NRXN1: variants seen among roughly 807,000 people sequenced by gnomAD.
NRXN1 encodes the protein neurexin 1, also known as neurexin-1.
A neutral mutation model predicts 150.9 loss-of-function variants in NRXN1; 39 were observed. That is an observed-to-expected ratio of 0.26 (90% CI 0.20 to 0.34). NRXN1 has a LOEUF of 0.34. Among genes scored for constraint, NRXN1 ranks in the 10% least tolerant of loss-of-function variants. The pLI is 1.00. For missense variants in NRXN1, 1,815 were observed against 1,949.9 expected (o/e 0.93, Z 1.30); for synonymous variants, 924 against 757.0 (o/e 1.22, Z -3.62).
chr2:50,876,802 G>A (rs1678661255), intron 5 of NRXN1, among the ~76,000 whole-genome samples: 1 of 151,666 alleles, frequency 6.6e-6, no homozygotes, highest in South Asian at 2.1e-4. Context: ...TTATGTTCTT[G>A]TAAGAAGATA....
At chr2:50,702,791 T>C (rs1400607924) in intron 5 of NRXN1, among the ~76,000 whole-genome samples, 1 of 152,138 alleles carries the variant, frequency 6.6e-6, no homozygotes, top group Non-Finnish European at 1.5e-5. Flanking sequence ...TATTGCAACA[T>C]ATAATGTAAA....
At chr2:50,119,180 C>T (rs939124407) in intron 18 of NRXN1, among the ~76,000 whole-genome samples, 1 of 152,000 alleles carries the variant, frequency 6.6e-6, no homozygotes, top group Non-Finnish European at 1.5e-5. Flanking sequence ...CAACTTTTGT[C>T]TAGTTTACGC....
intron 19 of NRXN1, among the ~76,000 whole-genome samples, chr2:50,075,022 A>G (rs1321808529): frequency 6.6e-6 from 1 of 152,230 alleles, no homozygotes; most frequent in East Asian, 1.9e-4. Flanking sequence ...ATCTAATCCT[A>G]GATTTCCTAT....
intron 13 of NRXN1, among the ~76,000 whole-genome samples, chr2:50,506,237 C>T (rs2092214801): frequency 6.6e-6 from 1 of 151,754 alleles, no homozygotes; most frequent in Admixed American, 6.6e-5. Context: ...ATTTATCAGG[C>T]CACAAAAGAA....
intron 21 of NRXN1, among the ~76,000 whole-genome samples, chr2:50,049,246 G>T (rs1042813952): frequency 6.6e-6 from 1 of 152,156 alleles, no homozygotes; most frequent in African/African-American, 2.4e-5. Flanking sequence ...CAACTGGGCT[G>T]CATGGCCACA....
Position 50,316,493 on chromosome 2 carries a change from A to C in NRXN1, c.3365-79523T>G, listed in dbSNP as rs141279433. ...ACATGCAACCAGTATAGCCATTTGCACAATAAGAATCACATTAAATTGGAT... is the reference window on the plus strand; with the variant it reads ...ACATGCAACCAGTATAGCCATTTGCCCAATAAGAATCACATTAAATTGGAT... On this transcript the variant is annotated intron_variant, in intron 17 of 22. Coordinates refer to ENST00000401669, the MANE Select transcript of NRXN1 (RefSeq NM_001330078.2). Among the ~76,000 whole-genome samples, 1,199 of 152,234 alleles carry C rather than the reference A, an allele frequency of 7.9e-3. 15 individuals are homozygous for C. The highest frequency in any genetic ancestry group is 0.028 in the African/African-American group (1,151 of 41,554).
At chr2:49,945,449 A>T (rs1350097937) in intron 21 of NRXN1, among the ~76,000 whole-genome samples, 1 of 150,794 alleles carries the variant, frequency 6.6e-6, no homozygotes, top group Non-Finnish European at 1.5e-5. Flanking sequence ...TATGCAGGTT[A>T]CATATGTATA....
chr2:50,307,813 G>A (rs994598888), intron 17 of NRXN1, among the ~76,000 whole-genome samples: 1 of 151,988 alleles, frequency 6.6e-6, no homozygotes, highest in Non-Finnish European at 1.5e-5. Flanking sequence ...TATACCCAAA[G>A]CTCTGGAATA....
intron 21 of NRXN1, among the ~76,000 whole-genome samples, chr2:50,038,722 G>GT (rs1269044389): frequency 6.6e-6 from 1 of 151,710 alleles, no homozygotes; most frequent in Admixed American, 6.6e-5. Context: ...GAAAAGAATA[G>GT]TTTTCTCCGT....
At chr2:50,866,691 C>A (rs191470471) in intron 5 of NRXN1, among the ~76,000 whole-genome samples, 1 of 151,882 alleles carries the variant, frequency 6.6e-6, no homozygotes, top group Admixed American at 6.6e-5. Context: ...TGGTTAACAA[C>A]GGAATGATTA....
intron 2 of NRXN1, among the ~76,000 whole-genome samples, chr2:50,982,697 T>C (rs1006827492): frequency 6.6e-6 from 1 of 152,136 alleles, no homozygotes; most frequent in African/African-American, 2.4e-5. Flanking sequence ...TGCTGTTGAC[T>C]ACAAAGATGT....
chr2:50,230,750 T>C (rs763735048), intron 18 of NRXN1, among the ~76,000 whole-genome samples: 1 of 152,194 alleles, frequency 6.6e-6, no homozygotes, highest in Non-Finnish European at 1.5e-5. Context: ...ACCAGTAATT[T>C]AGAAGTTGAG....
At chr2:50,685,950 G>A (rs928758950) in intron 5 of NRXN1, among the ~76,000 whole-genome samples, 22 of 151,968 alleles carry the variant, frequency 1.4e-4, no homozygotes, top group African/African-American at 5.3e-4. Flanking sequence ...TATAGATCTT[G>A]CTTCTAAAGG....
At chr2:50,603,864 C>T (rs1055835429) in intron 8 of NRXN1, among the ~76,000 whole-genome samples, 3 of 152,152 alleles carry the variant, frequency 2.0e-5, no homozygotes, top group Non-Finnish European at 2.9e-5. Flanking sequence ...GTAGTCTAAA[C>T]GATTAAAGAC....
intron 8 of NRXN1, among the ~76,000 whole-genome samples, chr2:50,572,198 T>A (rs1670767092): frequency 6.6e-6 from 1 of 152,154 alleles, no homozygotes; most frequent in Non-Finnish European, 1.5e-5. Flanking sequence ...AAACCCCATG[T>A]CCTGAAGGGC....
At chr2:50,237,911 T>C (rs957654814) in intron 17 of NRXN1, among the ~76,000 whole-genome samples, 2 of 151,950 alleles carry the variant, frequency 1.3e-5, no homozygotes, top group African/African-American at 4.8e-5. Context: ...GTTCTCATGA[T>C]AGTGAGTTCT....
intron 17 of NRXN1, among the ~76,000 whole-genome samples, chr2:50,412,334 T>TA (rs11358204): frequency 4.0e-5 from 6 of 150,744 alleles, no homozygotes; most frequent in East Asian, 1.9e-4. Context: ...AAATAAAAAA[T>TA]AAAAAAAATA....
intron 18 of NRXN1, among the ~76,000 whole-genome samples, chr2:50,162,817 A>T (rs2059440158): frequency 6.6e-6 from 1 of 152,106 alleles, no homozygotes; most frequent in Non-Finnish European, 1.5e-5. Context: ...ATTATTACAA[A>T]TGTTTCATTT....
chr2:50,928,889 G>A (rs1024633562), intron 2 of NRXN1, among the ~76,000 whole-genome samples: 5 of 152,086 alleles, frequency 3.3e-5, no homozygotes, highest in East Asian at 1.9e-4. Flanking sequence ...ACTTTACTAC[G>A]ATGACCACGC....
Sources: allele counts gnomAD v4.1 joint callset (sites outside exome capture counted in the v4.1 genomes callset), GRCh38; gene constraint gnomAD v4.1.1; transcripts MANE v1.5; gene names NCBI Gene and HGNC (gene_info 2026-07-23, HGNC 2026-07-21).